Variants in PARP10 observed in about 807,000 individuals in gnomAD.
The protein encoded by PARP10 is protein mono-ADP-ribosyltransferase PARP10.
A neutral mutation model predicts 82.4 loss-of-function variants in PARP10; 56 were observed. That is an observed-to-expected ratio of 0.68 (90% CI 0.55 to 0.85). PARP10 has a LOEUF of 0.85. Among genes scored for constraint, PARP10 ranks in the 40% least tolerant of loss-of-function variants. The probability of loss-of-function intolerance (pLI) is 0.00; values close to 1 mark genes in which losing one functional copy is unlikely to be tolerated. For synonymous variants in PARP10, 576 were observed against 601.1 expected (o/e 0.96, Z 0.61); for missense variants, 1,227 against 1,379.4 (o/e 0.89, Z 1.75).
At chr8:143,998,948 T>TAA (rs72107509) in intron 1 of PARP10, among the ~76,000 whole-genome samples, 1 of 146,252 alleles carries the variant, frequency 6.8e-6, no homozygotes, top group Non-Finnish European at 1.5e-5. Context: ...AGACCCTGTT[T>TAA]AAAAAAAAAA....
At chr8:143,991,252 C>T (rs1554750374), upstream of PARP10, 3 of 1,570,020 alleles carry the variant, frequency 1.9e-6, no homozygotes, top group Non-Finnish European at 2.6e-6. Context: ...TTTTTGGTGT[C>T]TGGGGACAAC....
upstream of PARP10, chr8:143,991,534 A>G (rs1834096377): frequency 6.6e-7 from 1 of 1,522,746 alleles, no homozygotes; most frequent in Admixed American, 1.9e-5. Flanking sequence ...CAGGGGCCAT[A>G]TCCCCAGAGC....
chr8:143,980,054 G>A (rs1290640292), intron 9 of PARP10, among the ~76,000 whole-genome samples: 3 of 148,442 alleles, frequency 2.0e-5, no homozygotes, highest in African/African-American at 7.5e-5. Context: ...GGGCGCGGTG[G>A]CTCACGCCTG....
upstream of PARP10, chr8:143,991,422 G>A: frequency 7.1e-7 from 1 of 1,405,576 alleles, no homozygotes; most frequent in Non-Finnish European, 9.5e-7. Flanking sequence ...CTACCCCCAA[G>A]GGGGCTACCC....
At chr8:144,012,620 C>T (rs183779548) in exon 1 of PARP10, 30 of 1,551,740 alleles carry the variant, frequency 1.9e-5, no homozygotes, top group East Asian at 4.9e-5. Context: ...GGGAGAATCA[C>T]GAGCTCAAGT....
upstream of PARP10, among the ~76,000 whole-genome samples, chr8:143,987,910 A>G (rs1165007548): frequency 6.6e-6 from 1 of 151,090 alleles, no homozygotes; most frequent in Non-Finnish European, 1.5e-5. Context: ...CAAAAACCCA[A>G]AGTCCTTTTG....
At chr8:143,983,098 C>T in intron 8 of PARP10, 33 bp from the exon 9 acceptor site, 1 of 1,613,628 alleles carries the variant, frequency 6.2e-7, no homozygotes, top group South Asian at 1.1e-5. Context: ...GGGTCAGAGC[C>T]ATGCCTGGGG....
chr8:143,992,792 T>G, upstream of PARP10: 2 of 1,613,868 alleles, frequency 1.2e-6, no homozygotes, highest in Non-Finnish European at 1.7e-6. Flanking sequence ...ACAGACATCA[T>G]CAACATCTTC....
In PARP10 at chr8:143,977,943, C is replaced by T. The variant is rs1332622262; in HGVS notation, c.2695G>A (p.Ala899Thr). The change falls in exon 10 of 11, where the codon GCC becomes ACC. Residue 899 changes from alanine to threonine, a missense_variant. By Grantham distance (58) the Ala-to-Thr change is moderately conservative (BLOSUM62 0). Transcript: ENST00000313028. ...CAGAAGCTGCGGTTGAAGCCGTGGG[C>T]GCAGATGTCAGGCACTGCCGGTGCC... ...TTAPAVPDIC[A>T]HGFNRSFCGR... 2 of 1,600,960 alleles carry T rather than the reference C, an allele frequency of 1.2e-6. No homozygotes were observed. Among genetic ancestry groups the T allele is most frequent in the Middle Eastern group, 1.7e-4 (1 of 5,986 alleles).
chr8:144,009,580 T>C (rs1289199869), intron 1 of PARP10, among the ~76,000 whole-genome samples: 1 of 152,172 alleles, frequency 6.6e-6, no homozygotes, highest in Non-Finnish European at 1.5e-5. Context: ...ACCTCTAACG[T>C]GTATCTTTCC....
At chr8:143,992,543 A>G (rs781855574), upstream of PARP10, 13 of 1,614,032 alleles carry the variant, frequency 8.1e-6, no homozygotes, top group African/African-American at 1.3e-5. Flanking sequence ...CATTCTCTGC[A>G]TCTTCATCCG....
intron 7 of PARP10, 56 bp downstream of exon 7, chr8:143,983,952 G>C: frequency 6.8e-7 from 1 of 1,478,068 alleles, no homozygotes; most frequent in Non-Finnish European, 9.1e-7. Flanking sequence ...AGCAGGGCAG[G>C]GGGTGAGGTC....
At chr8:143,999,205 AT>A (rs1554751509) in intron 1 of PARP10, among the ~76,000 whole-genome samples, 1 of 151,038 alleles carries the variant, frequency 6.6e-6, no homozygotes. Context: ...ACACCTGGCT[AT>A]TTTTTTTCTT....
chr8:143,984,169 G>A, intron 6 of PARP10, 41 bp downstream of exon 6: 1 of 1,592,618 alleles, frequency 6.3e-7, no homozygotes, highest in Non-Finnish European at 8.6e-7. Context: ...TGGGGCAGAG[G>A]CGTGAGAAAG....
rs782464308 is a variant in PARP10, at chr8:143,984,377, G to A, written c.1513C>T (p.Leu505=). Residue 505 remains leucine, a synonymous_variant, in exon 6 of 11, where the codon CTG becomes TTG. Coordinates refer to ENST00000313028, the MANE Select transcript of PARP10 (RefSeq NM_032789.5). ...AACACATGGCAGCTAATGCTGCCCA[G>A]CAGGCTCCGCAGAAACTCCTCAGCC... The part of the protein sequence containing the change: ...QAAEEFLRSL[L]GSISCHVLCL... 269 of 1,612,682 alleles carry A rather than the reference G, an allele frequency of 1.7e-4. No individual in the cohort carries two copies. The highest frequency in any genetic ancestry group is 2.1e-4 in the Non-Finnish European group (250 of 1,179,762).
rs927691244 is a variant in PARP10 at position 143,983,519 on chromosome 8, C to T, written c.2070G>A (p.Gln690=). The T allele has an allele frequency of 2.5e-6, 4 of 1,605,722 alleles. No individual in the cohort carries two copies. Among genetic ancestry groups the T allele is most frequent in the Non-Finnish European group, 3.4e-6 (4 of 1,176,602 alleles). ...GGGGCTCTTCTGCCTCCAACGGGGG[C>T]TGCTCCAGCAGGGAGAGGGTTAGGG... ...RQALTLSLLE[Q]PPLEAEEPPD... Residue 690 remains glutamine (Q), a synonymous_variant, in exon 8 of 11, where the codon CAG becomes CAA. Transcript: ENST00000313028.
In PARP10 at chr8:143,985,840, T is replaced by C. The variant is rs782252487; in HGVS notation, c.317A>G (p.Glu106Gly). 4.3e-6 allele frequency: 7 copies of C among 1,610,726 alleles called. No individual in the cohort carries two copies. The East Asian group carries it at 1.6e-4, about 36-fold the overall frequency. The change falls in exon 3 of 11, where the codon GAG becomes GGG. Residue 106 changes from glutamate to glycine, a missense_variant. Transcript: ENST00000313028. ...LPPGTTPQRL[E>G]QHVQALLRAS... is the part of the protein sequence containing the mutation. ...CCGCAGCAAGGCCTGGACATGCTGC[T>C]CCAAGCGCTGGGGCGTGGTGCCAGG...
At chr8:143,978,716 G>C (rs1362605984) in intron 9 of PARP10, among the ~76,000 whole-genome samples, 3 of 152,136 alleles carry the variant, frequency 2.0e-5, no homozygotes, top group Non-Finnish European at 4.4e-5. Flanking sequence ...AACTGATGCA[G>C]AGTGAGAAGC....
At position 144,008,763 on chromosome 8, in the gene PARP10, T is replaced by G. The variant is rs782341265; in HGVS notation, c.-80+3767A>C. On this transcript the variant is annotated intron_variant, in intron 1 of 3. Transcript: ENST00000530478. The surrounding 1 kb of genome is among the most constrained non-coding windows in gnomAD (Gnocchi z 4.0). ...TCATCCAAATGGATGTGGATACATT[T>G]TTGGATGAATCTCACTCCCAAACTT... Among the ~76,000 whole-genome samples, 3 of 152,170 alleles carry G rather than the reference T, an allele frequency of 2.0e-5. No homozygotes were observed. The highest frequency in any genetic ancestry group is 4.4e-5 in the Non-Finnish European group (3 of 68,036).
Sources: gnomAD v4.1 joint callset for allele counts (sites outside exome capture counted in the v4.1 genomes callset) on GRCh38, gnomAD v4.1.1 for gene constraint, Gnocchi (gnomAD v3.1) non-coding constraint, MANE v1.5 for transcripts, NCBI Gene and HGNC (gene_info 2026-07-23, HGNC 2026-07-21) for gene names.